The following GPC6 variants were observed in gnomAD, a reference collection of about 807,000 sequenced individuals.
GPC6 encodes the protein glypican-6.
Under a neutral mutation model 55.2 loss-of-function variants are expected in GPC6, and 14 were observed. That is an observed-to-expected ratio of 0.25 (90% CI 0.17 to 0.40). The LOEUF (loss-of-function observed/expected upper bound fraction) is 0.40, where lower values mean the gene tolerates loss of function less well. GPC6 is among the 10% of genes least tolerant of loss of function. The pLI is 1.00. For synonymous variants in GPC6, 278 were observed against 259.6 expected (o/e 1.07, Z -0.68); for missense variants, 641 against 708.5 (o/e 0.90, Z 1.08).
chr13:93,677,570 G>T (rs1881682889), intron 2 of GPC6, among the ~76,000 whole-genome samples: 1 of 152,118 alleles, frequency 6.6e-6, no homozygotes, highest in Admixed American at 6.5e-5. Context: ...CATTAATTTG[G>T]CATTGAAATG....
intron 4 of GPC6, among the ~76,000 whole-genome samples, chr13:94,194,192 T>C (rs1889490118): frequency 1.3e-5 from 2 of 152,200 alleles, no homozygotes; most frequent in African/African-American, 4.8e-5. Context: ...ATTTATTTAT[T>C]AAAGTTGCCT....
rs1168816245 is a variant in GPC6, at chr13:93,321,343, C to T, written c.160+93727C>T. On this transcript the variant is annotated intron_variant, in intron 1 of 8. Coordinates refer to ENST00000377047, the MANE Select transcript of GPC6 (RefSeq NM_005708.5). ...TACTTGCTTTCTTCCCTTCCCTCCC[C>T]TCCATTTTCCTTCTGCTGCCCTCCT... Among the ~76,000 whole-genome samples, 3 of 152,084 alleles carry T rather than the reference C, an allele frequency of 2.0e-5. No individual in the cohort carries two copies. In the East Asian group the frequency reaches 5.8e-4, roughly 29 times the overall value.
intron 5 of GPC6, among the ~76,000 whole-genome samples, chr13:94,292,341 A>G: frequency 6.6e-6 from 1 of 152,190 alleles, no homozygotes. Flanking sequence ...TTTGCTGAAT[A>G]GATTAAGTAT....
chr13:93,590,346 TAG>T, intron 2 of GPC6, among the ~76,000 whole-genome samples: 1 of 152,310 alleles, frequency 6.6e-6, no homozygotes, highest in South Asian at 2.1e-4. Context: ...CATGTTCACC[TAG>T]AGAGTTTCCC....
At chr13:93,384,830 C>CT (rs1875330525) in intron 1 of GPC6, among the ~76,000 whole-genome samples, 1 of 152,130 alleles carries the variant, frequency 6.6e-6, no homozygotes, top group Admixed American at 6.5e-5. Context: ...GAAAAACTGT[C>CT]TTTTTTCAGC....
intron 1 of GPC6, among the ~76,000 whole-genome samples, chr13:93,511,284 GTTTCCT>G (rs1880962657): frequency 6.6e-6 from 1 of 151,254 alleles, no homozygotes; most frequent in Non-Finnish European, 1.5e-5. Flanking sequence ...TACAGGAGGG[GTTTCCT>G]TAGGTTTTCT....
At chr13:94,150,394 C>T (rs961598098) in intron 4 of GPC6, among the ~76,000 whole-genome samples, 1 of 152,068 alleles carries the variant, frequency 6.6e-6, no homozygotes, top group African/African-American at 2.4e-5. Flanking sequence ...CCATCTTTCT[C>T]TTTAGTTAGC....
chr13:93,979,227 A>G (rs572744346), intron 3 of GPC6, among the ~76,000 whole-genome samples: 208 of 151,212 alleles, frequency 1.4e-3, no homozygotes, highest in Non-Finnish European at 2.2e-3. Flanking sequence ...TCTAAGTATA[A>G]ATAGCCACAT....
intron 4 of GPC6, among the ~76,000 whole-genome samples, chr13:94,206,407 G>A (rs1006366179): frequency 7.9e-5 from 12 of 152,138 alleles, no homozygotes; most frequent in East Asian, 1.9e-4. Context: ...CTCAGCAGCC[G>A]TCTTCAGTAG....
At chr13:94,030,274 G>T (rs1419818960) in intron 4 of GPC6, among the ~76,000 whole-genome samples, 1 of 152,144 alleles carries the variant, frequency 6.6e-6, no homozygotes, top group Admixed American at 6.5e-5. Context: ...CTCCCAAAGT[G>T]CTGGGATTGC....
chr13:93,858,544 A>G (rs60238616), intron 3 of GPC6, among the ~76,000 whole-genome samples: 2,076 of 151,702 alleles, frequency 0.014, 35 homozygotes, highest in African/African-American at 0.047. Flanking sequence ...GAAATCTCAA[A>G]GAAATGGACA....
chr13:93,543,408 C>T (rs1287519719), intron 1 of GPC6, among the ~76,000 whole-genome samples: 4 of 151,974 alleles, frequency 2.6e-5, no homozygotes, highest in Admixed American at 1.3e-4. Flanking sequence ...TTTTGATGTG[C>T]TGCTGGATTC....
At chr13:93,388,049 A>G (rs1047155710) in intron 1 of GPC6, among the ~76,000 whole-genome samples, 2 of 152,174 alleles carry the variant, frequency 1.3e-5, no homozygotes, top group African/African-American at 2.4e-5. Flanking sequence ...TATACTCTGC[A>G]ATCCTGTATC....
intron 3 of GPC6, among the ~76,000 whole-genome samples, chr13:93,887,026 A>C (rs1875382583): frequency 6.6e-6 from 1 of 151,988 alleles, no homozygotes; most frequent in Admixed American, 6.6e-5. Context: ...TATGTTTCCA[A>C]AGTGGAAGAG....
intron 3 of GPC6, among the ~76,000 whole-genome samples, chr13:93,867,631 C>T (rs1467122546): frequency 6.6e-6 from 1 of 151,726 alleles, no homozygotes; most frequent in East Asian, 2.0e-4. Context: ...ATGGAATCAA[C>T]ACTCCATCTA....
chr13:94,213,559 G>A (rs1261501306), intron 4 of GPC6, among the ~76,000 whole-genome samples: 1 of 152,068 alleles, frequency 6.6e-6, no homozygotes, highest in Non-Finnish European at 1.5e-5. Flanking sequence ...TGCCCCTGTG[G>A]GTAGCTCTCG....
At chr13:93,881,674 C>A (rs1487602378) in intron 3 of GPC6, among the ~76,000 whole-genome samples, 1 of 151,962 alleles carries the variant, frequency 6.6e-6, no homozygotes. Context: ...GTAATACTTG[C>A]AATTATCTCT....
intron 7 of GPC6, 50 bp from the exon 8 acceptor site, chr13:94,398,416 C>T: frequency 1.5e-6 from 2 of 1,376,640 alleles, no homozygotes; most frequent in Non-Finnish European, 2.1e-6. Flanking sequence ...TCTGGTTTTA[C>T]AGTTTCTGTG....
chr13:94,362,619 G>C (rs7491694), intron 6 of GPC6, among the ~76,000 whole-genome samples: 57,057 of 151,988 alleles, frequency 0.38, 11,502 homozygotes, highest in East Asian at 0.5. Flanking sequence ...TAAATGCCTG[G>C]AGACGAGGCT....
Sources: allele counts gnomAD v4.1 joint callset (sites outside exome capture counted in the v4.1 genomes callset), GRCh38; gene constraint gnomAD v4.1.1; transcripts MANE v1.5; gene names NCBI Gene and HGNC (gene_info 2026-07-23, HGNC 2026-07-21).